The following AGBL4 variants were observed in gnomAD, a reference collection of about 807,000 sequenced individuals.
AGBL4 encodes the protein AGBL carboxypeptidase 4.
A neutral mutation model predicts 66.4 loss-of-function variants in AGBL4; 58 were observed. The ratio of observed to expected loss-of-function variants is 0.87; its 90% CI spans 0.71 to 1.09. The LOEUF (loss-of-function observed/expected upper bound fraction) is 1.09, where lower values mean the gene tolerates loss of function less well. Among genes scored for constraint, AGBL4 ranks in the 50% least tolerant of loss-of-function variants. AGBL4 has a pLI of 0.00. For synonymous variants in AGBL4, 234 were observed against 222.9 expected (o/e 1.05, Z -0.44); for missense variants, 579 against 631.0 (o/e 0.92, Z 0.88).
At chr1:48,642,249 A>C (rs1645768276) in intron 8 of AGBL4, among the ~76,000 whole-genome samples, 1 of 152,206 alleles carries the variant, frequency 6.6e-6, no homozygotes, top group Non-Finnish European at 1.5e-5. Flanking sequence ...TCATTCAGCA[A>C]GGTCTTTACC....
intron 3 of AGBL4, among the ~76,000 whole-genome samples, chr1:49,596,850 A>T (rs1644862441): frequency 6.6e-6 from 1 of 152,188 alleles, no homozygotes; most frequent in African/African-American, 2.4e-5. Flanking sequence ...GCTCATGCTT[A>T]TTGTGACTCT....
Position 49,071,719 on chromosome 1 carries a change from T to C in AGBL4, c.378-25919A>G, listed in dbSNP as rs541512258. Among the ~76,000 whole-genome samples, 2 of 152,122 alleles carry C rather than the reference T, an allele frequency of 1.3e-5. 1 individual carries two copies. The highest frequency in any genetic ancestry group is 4.8e-5 in the African/African-American group (2 of 41,366). On this transcript the variant is annotated intron_variant, in intron 4 of 13. Transcript: ENST00000371839. Reference sequence around the variant, plus strand: ...GTGGTGCTGAGAAGAATGCATATTCTGTTGATTTGGTGTGGAGAGTTCTGT... The same window carrying C: ...GTGGTGCTGAGAAGAATGCATATTCCGTTGATTTGGTGTGGAGAGTTCTGT...
rs551738888 is a variant in AGBL4, at chr1:49,792,727, C to T, written c.157+58669G>A. 3.3e-4 allele frequency among the ~76,000 whole-genome samples: 50 copies of T among 152,090 alleles called. 1 individual carries two copies. The South Asian group carries it at 9.5e-3, about 29-fold the overall frequency. On this transcript the variant is annotated intron_variant, in intron 2 of 13. Coordinates refer to ENST00000371839, the MANE Select transcript of AGBL4 (RefSeq NM_032785.4). ...TGTCACTGGTCTCCAAGATGCAACC[C>T]TTACTCAATCACACATACCCATCCA...
At chr1:48,912,304 A>C (rs973434435) in intron 5 of AGBL4, among the ~76,000 whole-genome samples, 3 of 152,310 alleles carry the variant, frequency 2.0e-5, no homozygotes, top group Non-Finnish European at 4.4e-5. Flanking sequence ...TTGCTTATCT[A>C]TGACAAACAT....
chr1:49,482,780 A>T (rs893794011), intron 3 of AGBL4, among the ~76,000 whole-genome samples: 2 of 152,012 alleles, frequency 1.3e-5, no homozygotes, highest in African/African-American at 4.8e-5. Context: ...CATCCTCTCA[A>T]AACTGCCTGA....
chr1:49,048,151 C>T (rs578132896), intron 4 of AGBL4, among the ~76,000 whole-genome samples: 1 of 152,230 alleles, frequency 6.6e-6, no homozygotes, highest in African/African-American at 2.4e-5. Flanking sequence ...GAGTTTGAGT[C>T]TCTTAGAGCC....
rs569833650 is a variant in AGBL4 at position 49,740,973 on chromosome 1, C to T, written c.158-43536G>A. 8.5e-5 allele frequency among the ~76,000 whole-genome samples: 13 copies of T among 152,272 alleles called. No individual in the cohort carries two copies. The South Asian group carries it at 1.4e-3, about 17-fold the overall frequency. ...GACTGATCTAAAATTGACACCCTAA[C>T]ATCACAATTAAAATAACTAGAGAAG... On this transcript the variant is annotated intron_variant, in intron 2 of 13. Coordinates refer to ENST00000371839, the MANE Select transcript of AGBL4 (RefSeq NM_032785.4).
At chr1:49,192,232 T>C (rs1647134397) in intron 4 of AGBL4, among the ~76,000 whole-genome samples, 1 of 152,174 alleles carries the variant, frequency 6.6e-6, no homozygotes, top group Non-Finnish European at 1.5e-5. Context: ...TTTTTATAAA[T>C]TTGCTTACAT....
chr1:48,952,099 T>C (rs1403717379), intron 5 of AGBL4, among the ~76,000 whole-genome samples: 1 of 152,248 alleles, frequency 6.6e-6, no homozygotes, highest in African/African-American at 2.4e-5. Context: ...TAAAGATAAA[T>C]GTGTTTAATG....
chr1:49,692,673 G>A (rs1202180701), intron 3 of AGBL4, among the ~76,000 whole-genome samples: 4 of 150,270 alleles, frequency 2.7e-5, no homozygotes, highest in Non-Finnish European at 5.9e-5. Flanking sequence ...AGCCAAGATC[G>A]CGCCACTGCA....
At chr1:48,855,433 A>C (rs1339914236) in intron 6 of AGBL4, among the ~76,000 whole-genome samples, 1 of 152,210 alleles carries the variant, frequency 6.6e-6, no homozygotes, top group Non-Finnish European at 1.5e-5. Context: ...CAAATTCTGA[A>C]GTTTCTTTAT....
intron 4 of AGBL4, among the ~76,000 whole-genome samples, chr1:49,124,685 G>A (rs994581755): frequency 7.2e-5 from 11 of 152,134 alleles, no homozygotes; most frequent in Non-Finnish European, 1.2e-4. Context: ...TATCATACAG[G>A]GTTGTTAAGA....
chr1:49,483,523 G>T (rs1646999694), intron 3 of AGBL4, among the ~76,000 whole-genome samples: 2 of 151,858 alleles, frequency 1.3e-5, no homozygotes, highest in African/African-American at 2.4e-5. Context: ...GCCAATAAGT[G>T]GTGCTGGGAA....
chr1:48,923,842 C>A (rs1654299937), intron 5 of AGBL4, among the ~76,000 whole-genome samples: 1 of 152,152 alleles, frequency 6.6e-6, no homozygotes, highest in Admixed American at 6.6e-5. Context: ...TAAGAGAAGT[C>A]CTCTTAAAAC....
At chr1:49,824,163 C>T (rs1432692404) in intron 2 of AGBL4, among the ~76,000 whole-genome samples, 2 of 152,040 alleles carry the variant, frequency 1.3e-5, no homozygotes, top group East Asian at 1.9e-4. Context: ...GAGCCGAGAT[C>T]GCGCATTGCA....
intron 11 of AGBL4, among the ~76,000 whole-genome samples, chr1:48,574,143 G>A (rs1279542458): frequency 6.6e-6 from 1 of 152,170 alleles, no homozygotes; most frequent in African/African-American, 2.4e-5. Context: ...TCTTTTAGTG[G>A]AGCAATCAGA....
intron 1 of AGBL4, among the ~76,000 whole-genome samples, chr1:49,896,575 C>T (rs973285650): frequency 4.0e-5 from 6 of 149,496 alleles, no homozygotes; most frequent in African/African-American, 1.2e-4. Flanking sequence ...GCCAGTAGTA[C>T]CCTGATACCA....
intron 5 of AGBL4, among the ~76,000 whole-genome samples, chr1:48,869,181 C>A (rs1336059013): frequency 6.6e-6 from 1 of 152,220 alleles, no homozygotes; most frequent in Non-Finnish European, 1.5e-5. Context: ...ACTCATAATT[C>A]ATTCCAGTTG....
At position 48,534,923 on chromosome 1, in the gene AGBL4, T is replaced by C. The variant is rs764994495; in HGVS notation, c.1365-7A>G. ...GACTTCTATTTCTTTATTTCTAAAA[T>C]AGGAGAAAAATTCATGTCCTTCCTG... On this transcript the variant is annotated splice_region_variant and splice_polypyrimidine_tract_variant and intron_variant, in intron 12 of 13. Coordinates refer to ENST00000371839, the MANE Select transcript of AGBL4 (RefSeq NM_032785.4). The C allele has an allele frequency of 9.0e-6, 14 of 1,551,224 alleles. No individual in the cohort carries two copies. In the South Asian group the frequency reaches 1.2e-4, roughly 13 times the overall value.
Sources: allele counts gnomAD v4.1 joint callset (sites outside exome capture counted in the v4.1 genomes callset), GRCh38; gene constraint gnomAD v4.1.1; transcripts MANE v1.5; gene names NCBI Gene and HGNC (gene_info 2026-07-23, HGNC 2026-07-21).